Variants in ALMS1 observed in about 807,000 individuals in gnomAD.
The protein encoded by ALMS1 is ALMS1 centrosome and basal body associated protein, also known as centrosome-associated protein ALMS1.
A neutral mutation model predicts 352.2 loss-of-function variants in ALMS1; 271 were observed. That is an observed-to-expected ratio of 0.77 (90% CI 0.70 to 0.85). The LOEUF is 0.85. Ranked by LOEUF, ALMS1 falls within the 40% of genes least tolerant of loss-of-function variation. ALMS1 has a pLI of 0.00. For missense variants in ALMS1, 5,445 were observed against 4,870.7 expected, an observed-to-expected ratio of 1.12 and a Z score of -3.51; for synonymous variants, 1,865 against 1,761.2, an observed-to-expected ratio of 1.06 and a Z score of -1.48.
At chr2:73,477,203 A>G (rs1244278114) in intron 9 of ALMS1, among the ~76,000 whole-genome samples, 3 of 152,092 alleles carry the variant, frequency 2.0e-5, no homozygotes, top group South Asian at 2.1e-4. Flanking sequence ...TCGTCTTTGC[A>G]TATAGATATT....
chr2:73,485,787 T>C, intron 9 of ALMS1, among the ~76,000 whole-genome samples: 1 of 152,140 alleles, frequency 6.6e-6, no homozygotes, highest in Non-Finnish European at 1.5e-5. Context: ...TGCGCCGTTT[T>C]TTAAGCCGGT....
intron 9 of ALMS1, among the ~76,000 whole-genome samples, chr2:73,474,389 G>GT (rs1672537613): frequency 2.0e-5 from 1 of 49,884 alleles, no homozygotes; most frequent in Non-Finnish European, 4.4e-5. Flanking sequence ...GTGTGTGTGT[G>GT]TGTGTGTGTG....
intron 21 of ALMS1, among the ~76,000 whole-genome samples, chr2:73,607,780 A>G (rs1038933394): frequency 6.7e-6 from 1 of 150,062 alleles, no homozygotes; most frequent in Non-Finnish European, 1.5e-5. Context: ...AGTAGCTGAG[A>G]TTACAGGCAT....
chr2:73,554,557 A>T (rs1674503899), intron 13 of ALMS1, among the ~76,000 whole-genome samples: 2 of 151,942 alleles, frequency 1.3e-5, no homozygotes, highest in Admixed American at 1.3e-4. Context: ...TACAAAAAAA[A>T]AAAAAATTAG....
chr2:73,608,335 A>C (rs763211750), intron 21 of ALMS1, 140 bp from the exon 22 acceptor site: 5 of 707,262 alleles, frequency 7.1e-6, no homozygotes, highest in East Asian at 2.7e-5. Context: ...TGGAGTATCT[A>C]ACGGGGCCCA....
chr2:73,565,248 G>A (rs1303817528), intron 15 of ALMS1, among the ~76,000 whole-genome samples: 1 of 152,066 alleles, frequency 6.6e-6, no homozygotes, highest in Non-Finnish European at 1.5e-5. Flanking sequence ...AGATGAGCCT[G>A]AACCCTTTTG....
intron 15 of ALMS1, among the ~76,000 whole-genome samples, chr2:73,568,572 C>T (rs1243708841): frequency 6.6e-6 from 1 of 152,122 alleles, no homozygotes; most frequent in Non-Finnish European, 1.5e-5. Flanking sequence ...AGTAGTTTTA[C>T]TCTACTTGGC....
At chr2:73,488,658 C>T (rs1438290356) in intron 9 of ALMS1, among the ~76,000 whole-genome samples, 1 of 152,232 alleles carries the variant, frequency 6.6e-6, no homozygotes, top group Non-Finnish European at 1.5e-5. Flanking sequence ...ATCATTGCAG[C>T]AGCCACTCCA....
chr2:73,449,834 C>G lies in ALMS1; in HGVS notation c.3307C>G (p.Pro1103Ala), dbSNP rs200257398. 2.9e-4 allele frequency: 461 copies of G among 1,613,946 alleles called. No homozygotes were observed. The highest frequency in any genetic ancestry group is 1.6e-4 in the Middle Eastern group (1 of 6,084). ...PSTFYSQREKPGIFYQQTLPE... is the reference protein window; with the variant it reads ...PSTFYSQREKAGIFYQQTLPE... ...TACTTTCTACTCACAAAGAGAGAAG[C>G]CTGGTATTTTCTACCAACAGACCTT... Residue 1103 changes from proline to alanine, a missense_variant, in exon 8 of 23, where the codon CCT (proline) becomes GCT (alanine). Pro to Ala is a conservative substitution (Grantham distance 27). Coordinates refer to ENST00000613296, the MANE Select transcript of ALMS1 (RefSeq NM_001378454.1).
At position 73,579,063 on chromosome 2, in the gene ALMS1, C is replaced by CTT. The variant is rs372240184; in HGVS notation, c.11547+5645_11547+5646dup. ...GAATGTCTTTAATTTCTCCTTTATT[C>CTT]TTTTTTTATTTATTTTTTTTTTTGA... On this transcript the variant is annotated intron_variant, in intron 16 of 22. Transcript: ENST00000613296. 1.0e-4 allele frequency among the ~76,000 whole-genome samples: 12 copies of CTT among 119,138 alleles called. 2 individuals carry two copies. The highest frequency in any genetic ancestry group is 4.2e-3 in the Middle Eastern group (1 of 238). 78.2% of individuals were successfully genotyped at this position (119,138 alleles called of 152,430 possible). A position where few individuals can be genotyped will look rare whatever the true frequency, so the allele number is the denominator to read the frequency against.
In ALMS1 at chr2:73,491,177, C is replaced by A. The variant is rs1672977599; in HGVS notation, c.9218C>A (p.Ala3073Asp). The A allele has an allele frequency of 1.9e-6, 3 of 1,614,036 alleles. No individual in the cohort carries two copies. The highest frequency in any genetic ancestry group is 2.5e-6 in the Non-Finnish European group (3 of 1,180,022). Residue 3073 changes from alanine to aspartate, a missense_variant, in exon 10 of 23, where the codon GCT (alanine) becomes GAT (aspartate). By Grantham distance (126) the Ala-to-Asp change is moderately radical. Coordinates refer to ENST00000613296, the MANE Select transcript of ALMS1 (RefSeq NM_001378454.1). ...GATGAAAGATTCCATTCATTGGATG[C>A]TGCTTCTAAAGCGAGGATGAATAGT... The part of the protein sequence containing the change: ...TLDERFHSLD[A>D]ASKARMNSEF...
chr2:73,544,248 C>G (rs1379489463), intron 12 of ALMS1, among the ~76,000 whole-genome samples: 1 of 152,238 alleles, frequency 6.6e-6, no homozygotes, highest in African/African-American at 2.4e-5. Flanking sequence ...CCATCATTCT[C>G]AGCAAACTAT....
intron 9 of ALMS1, among the ~76,000 whole-genome samples, chr2:73,482,393 T>C (rs920691655): frequency 6.6e-6 from 1 of 152,032 alleles, no homozygotes; most frequent in Non-Finnish European, 1.5e-5. Context: ...TTGATTTGCA[T>C]ATATTGAACC....
chr2:73,550,519 T>C (rs1674407443), intron 13 of ALMS1, 82 bp downstream of exon 13: 3 of 1,548,050 alleles, frequency 1.9e-6, no homozygotes. Flanking sequence ...TCTTTATCCT[T>C]TTTTTCTGTT....
Position 73,448,732 on chromosome 2 carries a change from A to G in ALMS1, c.2205A>G (p.Gln735=). The part of the protein sequence containing the change: ...FYQQEFADSH[Q]TEETLTKVSA... ...AACAAGAGTTCGCAGACAGTCATCA[A>G]ACTGAAGAGACTCTTACTAAAGTTT... is the stretch of plus-strand genomic sequence containing the variant. The change falls in exon 8 of 23, where the codon CAA becomes CAG. Residue 735 remains glutamine (Q), a synonymous_variant. Coordinates refer to ENST00000613296, the MANE Select transcript of ALMS1 (RefSeq NM_001378454.1). 1 of 1,605,522 alleles carries G rather than the reference A, an allele frequency of 6.2e-7. No individual in the cohort carries two copies. Among genetic ancestry groups the G allele is most frequent in the Non-Finnish European group, 8.5e-7 (1 of 1,174,274 alleles).
intron 6 of ALMS1, among the ~76,000 whole-genome samples, chr2:73,428,543 A>G (rs925932302): frequency 6.6e-6 from 1 of 152,240 alleles, no homozygotes; most frequent in Non-Finnish European, 1.5e-5. Context: ...TTTGTGACTT[A>G]CATCAACCTT....
At chr2:73,504,082 C>A (rs1408445958) in intron 10 of ALMS1, among the ~76,000 whole-genome samples, 1 of 152,062 alleles carries the variant, frequency 6.6e-6, no homozygotes, top group Non-Finnish European at 1.5e-5. Flanking sequence ...TATAGACTCA[C>A]AAGAAAAATA....
intron 16 of ALMS1, among the ~76,000 whole-genome samples, chr2:73,591,854 G>A (rs891629465): frequency 3.9e-5 from 6 of 152,096 alleles, no homozygotes; most frequent in African/African-American, 1.4e-4. Flanking sequence ...ATGCTGTCTC[G>A]CTCTATCACC....
intron 3 of ALMS1, among the ~76,000 whole-genome samples, chr2:73,421,744 A>G (rs1033382029): frequency 1.3e-5 from 2 of 152,144 alleles, no homozygotes; most frequent in Non-Finnish European, 2.9e-5. Flanking sequence ...AGGGTATATA[A>G]GCAGTGACAG....
Sources: allele counts gnomAD v4.1 joint callset (sites outside exome capture counted in the v4.1 genomes callset), GRCh38; gene constraint gnomAD v4.1.1; transcripts MANE v1.5; gene names NCBI Gene and HGNC (gene_info 2026-07-23, HGNC 2026-07-21).